Variants in TTN observed in about 807,000 individuals in gnomAD.
TTN encodes the protein connectin.
In TTN, 1,525 loss-of-function variants were observed where a neutral mutation model predicts 3,223.0. The ratio of observed to expected loss-of-function variants is 0.47; its 90% CI spans 0.45 to 0.49. TTN has a LOEUF of 0.49. Among genes scored for constraint, TTN ranks in the 20% least tolerant of loss-of-function variants. TTN has a pLI of 0.00. For synonymous variants in TTN, 14,094 were observed against 15,161.0 expected (o/e 0.93, Z 5.17); for missense variants, 40,786 against 43,424.0 (o/e 0.94, Z 5.40).
rs1271132251 is a variant in TTN, at chr2:178,534,216, A to G, written c.102399T>C (p.Ile34133=). The G allele has an allele frequency of 1.9e-6, 3 of 1,613,780 alleles. No individual in the cohort carries two copies. Among genetic ancestry groups the G allele is most frequent in the Admixed American group, 1.7e-5 (1 of 59,990 alleles). ...VSVAKVKVAS[I]EIGPVSGQIM... is the part of the protein sequence containing the mutation. ...TCTGCCCAGAAACTGGGCCAATTTC[A>G]ATGGATGCCACTTTAACTTTAGCAA... Residue 34133 remains isoleucine, a synonymous_variant, in exon 358 of 363, where the codon ATT becomes ATC. Transcript: ENST00000589042.
chr2:178,566,826 A>G lies in TTN; in HGVS notation c.79306T>C (p.Cys26436Arg). 6.2e-7 allele frequency: 1 copy of G among 1,613,436 alleles called. No individual in the cohort carries two copies. The highest frequency in any genetic ancestry group is 8.5e-7 in the Non-Finnish European group (1 of 1,179,672). ...AAATCTGTAATGCGGCGTTTATTAC[A>G]TTTTATCCATCGAATGCCACTTCTG... ...RDRSGIRWIK[C>R]NKRRITDLRL... The change falls in exon 326 of 363, where the codon TGT becomes CGT. Residue 26436 changes from cysteine to arginine, a missense_variant. By Grantham distance (180) the Cys-to-Arg change is radical. Coordinates refer to ENST00000589042, the MANE Select transcript of TTN (RefSeq NM_001267550.2).
chr2:178,531,005 C>G lies in TTN; in HGVS notation c.105610G>C (p.Glu35204Gln). Residue 35204 changes from glutamate (E) to glutamine (Q), a missense_variant, in exon 358 of 363, where the codon GAA (glutamate) becomes CAA (glutamine). Glu to Gln is a conservative substitution (Grantham distance 29). Transcript: ENST00000589042. ...GCTTCTTGTTTCCCTTCACTGTTTT[C>G]TACCACCACGCTGTAATTGCCCTCA... ...SDEGNYSVVVENSEGKQEAEF... is the reference protein window; with the variant it reads ...SDEGNYSVVVQNSEGKQEAEF... 1 of 1,613,960 alleles carries G rather than the reference C, an allele frequency of 6.2e-7. No homozygotes were observed. The highest frequency in any genetic ancestry group is 8.5e-7 in the Non-Finnish European group (1 of 1,179,892).
chr2:178,767,509 T>C (rs1463849360), intron 40 of TTN, among the ~76,000 whole-genome samples: 3 of 152,228 alleles, frequency 2.0e-5, no homozygotes, highest in East Asian at 3.8e-4. Context: ...AGCCATTTAT[T>C]AGACAGTGAA....
At chr2:178,703,126 C>T (rs927328003) in intron 106 of TTN, among the ~76,000 whole-genome samples, 4 of 152,056 alleles carry the variant, frequency 2.6e-5, no homozygotes, top group Non-Finnish European at 5.9e-5. Flanking sequence ...CAAACGCAAT[C>T]GGAAATCTGC....
At position 178,652,528 on chromosome 2, in the gene TTN, C is replaced by T. The variant is rs371945519; in HGVS notation, c.39057G>A (p.Pro13019=). ...EVPPVKVPEA[P]KEVVPEKKVP... is the part of the protein sequence containing the mutation. The stretch of plus-strand genomic sequence containing the variant: ...CTTTCTTTTCAGGAACAACTTCTTT[C>T]GGAGCCTCTGGCACTTAAAAGATAT... The change falls in exon 202 of 363, where the codon CCG becomes CCA. Residue 13019 remains proline (P), a synonymous_variant. Coordinates refer to ENST00000589042, the MANE Select transcript of TTN (RefSeq NM_001267550.2). The T allele has an allele frequency of 5.1e-5, 82 of 1,607,714 alleles. No homozygotes were observed. In the African/African-American group the frequency reaches 9.0e-4, roughly 18 times the overall value.
chr2:178,542,514 A>G lies in TTN; in HGVS notation c.97242T>C (p.Ala32414=), dbSNP rs776580922. The change falls in exon 349 of 363, where the codon GCT becomes GCC. Residue 32414 remains alanine (A), a synonymous_variant. Transcript: ENST00000589042. The part of the protein sequence containing the change: ...TGPIKIDEID[A]TSITISWEPP... Reference sequence around the variant, plus strand: ...GTTCCCAGGAAATGGTAATTGATGTAGCATCAATTTCATCAATCTTAATAG... The same window carrying G: ...GTTCCCAGGAAATGGTAATTGATGTGGCATCAATTTCATCAATCTTAATAG... 11 of 1,611,460 alleles carry G rather than the reference A, an allele frequency of 6.8e-6. No homozygotes were observed. The highest frequency in any genetic ancestry group is 4.0e-5 in the African/African-American group (3 of 74,880).
At position 178,704,807 on chromosome 2, in the gene TTN, G is replaced by C. The variant is rs766531550; in HGVS notation, c.29695-30C>G. The C allele has an allele frequency of 1.9e-6, 3 of 1,606,586 alleles. No homozygotes were observed. The South Asian group carries it at 3.3e-5, about 18-fold the overall frequency. On this transcript the variant is annotated intron_variant, in intron 104 of 362. Coordinates refer to ENST00000589042, the MANE Select transcript of TTN (RefSeq NM_001267550.2). Reference sequence around the variant, plus strand: ...GAGAATAAAGAATTAAAACACATTTGTTACTCCTTCCCTTATAATAATACT... The same window carrying C: ...GAGAATAAAGAATTAAAACACATTTCTTACTCCTTCCCTTATAATAATACT...
rs374883884 is a variant in TTN, at chr2:178,576,606, C to T, written c.69638G>A (p.Arg23213His). Residue 23213 changes from arginine (R) to histidine (H), a missense_variant, in exon 325 of 363, where the codon CGT becomes CAT. By Grantham distance (29) the Arg-to-His change is conservative. Transcript: ENST00000589042. This position sits in a 1 kb window ranked among gnomAD's most constrained non-coding sequence, Gnocchi z 4.3. ...TCCTGCTCTGTTTTCTGCACTGACA[C>T]GGAATTCGTAGGTGCTTCCTTCTTG... The part of the protein sequence containing the change: ...GLQEGSTYEF[R>H]VSAENRAGIG... The T allele has an allele frequency of 2.6e-5, 42 of 1,613,584 alleles. No individual in the cohort carries two copies. Among genetic ancestry groups the T allele is most frequent in the East Asian group, 2.5e-4 (11 of 44,818 alleles).
intron 159 of TTN, among the ~76,000 whole-genome samples, chr2:178,668,126 T>C (rs1042966632): frequency 6.6e-6 from 1 of 152,198 alleles, no homozygotes; most frequent in Non-Finnish European, 1.5e-5. Context: ...TTTCCCTTTC[T>C]AGAAGCCTCA....
Position 178,539,140 on chromosome 2 carries a change from T to G in TTN, c.98795A>C (p.Tyr32932Ser). Residue 32932 changes from tyrosine (Y) to serine (S), a missense_variant, in exon 353 of 363, where the codon TAC becomes TCC. Physicochemically the swap from Tyr to Ser is moderately radical, Grantham distance 144 (BLOSUM62 -2). Transcript: ENST00000589042. Reference protein sequence around the residue: ...KDDGGSRVTGYYIERKETSTD... With the variant: ...KDDGGSRVTGSYIERKETSTD... The stretch of plus-strand genomic sequence containing the variant: ...GGATGTCTCTTTGCGTTCGATGTAG[T>G]AGCCTGTGACTCTAGAACCACCATC... The G allele has an allele frequency of 6.2e-7, 1 of 1,613,774 alleles. No individual in the cohort carries two copies. Among genetic ancestry groups the G allele is most frequent in the Non-Finnish European group, 8.5e-7 (1 of 1,179,740 alleles).
intron 9 of TTN, 81 bp downstream of exon 9, chr2:178,793,323 A>G: frequency 6.4e-7 from 1 of 1,556,914 alleles, no homozygotes. Flanking sequence ...CCAAGGAACA[A>G]CACTCTTCAT....
rs1708755764 is a variant in TTN, at chr2:178,572,881, T to G, written c.73251A>C (p.Pro24417=). Residue 24417 remains proline (P), a synonymous_variant, in exon 326 of 363, where the codon CCA becomes CCC. Coordinates refer to ENST00000589042, the MANE Select transcript of TTN (RefSeq NM_001267550.2). ...GAGGCAGCATTCTGTCTTCAGCCTT[T>G]GGAGTTCCAGGAACAAGGGCAGGTT... is the stretch of plus-strand genomic sequence containing the variant. The part of the protein sequence containing the change: ...LGEPALVPGT[P]KAEDRMLPPE... 6.2e-7 allele frequency: 1 copy of G among 1,613,410 alleles called. No individual in the cohort carries two copies. The highest frequency in any genetic ancestry group is 1.3e-5 in the African/African-American group (1 of 75,014).
At position 178,560,295 on chromosome 2, in the gene TTN, T is replaced by A. The variant is rs1341127613; in HGVS notation, c.85837A>T (p.Thr28613Ser). 2 of 1,613,826 alleles carry A rather than the reference T, an allele frequency of 1.2e-6. No homozygotes were observed. The highest frequency in any genetic ancestry group is 8.5e-7 in the Non-Finnish European group (1 of 1,179,790). The change falls in exon 326 of 363, where the codon ACA (threonine) becomes TCA (serine). Residue 28613 changes from threonine (T) to serine (S), a missense_variant. Thr to Ser is a moderately conservative substitution (Grantham distance 58). Coordinates refer to ENST00000589042, the MANE Select transcript of TTN (RefSeq NM_001267550.2). ...TATTCACATCCTTCCCGAAGTCCTG[T>A]TGATTTCACTCTTAGATCATAAACT... ...KPVYDLRVKS[T>S]GLREGCEYEY...
At chr2:178,541,082 C>G in intron 350 of TTN, 200 bp downstream of exon 350, 1 of 421,132 alleles carries the variant, frequency 2.4e-6, no homozygotes, top group East Asian at 3.6e-5. Flanking sequence ...TCGCTAGCAG[C>G]TGGGGTGGGG....
At position 178,738,274 on chromosome 2, in the gene TTN, G is replaced by A. The variant is rs1212488962; in HGVS notation, c.14179C>T (p.Pro4727Ser). ...AKFTCEIQSAPNVRFQWFKAG... is the reference protein window; with the variant it reads ...AKFTCEIQSASNVRFQWFKAG... ...TTAAACCACTGGAACCGGACATTGG[G>A]AGCACTTTGGATCTCACAGGTGAAT... Residue 4727 changes from proline (P) to serine (S), a missense_variant, in exon 49 of 363, where the codon CCC becomes TCC. Physicochemically the swap from Pro to Ser is moderately conservative, Grantham distance 74. Coordinates refer to ENST00000589042, the MANE Select transcript of TTN (RefSeq NM_001267550.2). The A allele has an allele frequency of 2.4e-5, 38 of 1,613,580 alleles. No homozygotes were observed. The highest frequency in any genetic ancestry group is 2.9e-5 in the Non-Finnish European group (34 of 1,179,714).
intron 253 of TTN, 121 bp downstream of exon 253, chr2:178,617,658 A>G: frequency 2.1e-6 from 3 of 1,440,054 alleles, no homozygotes; most frequent in Non-Finnish European, 2.8e-6. Context: ...CTAAAACTTT[A>G]TCCAAATTTT....
intron 297 of TTN, 47 bp from the exon 298 acceptor site, chr2:178,593,914 C>T: frequency 6.2e-7 from 1 of 1,607,336 alleles, no homozygotes; most frequent in South Asian, 1.1e-5. Flanking sequence ...GCCATTTCTG[C>T]TTTTGAAAGA....
chr2:178,745,566 G>A lies in TTN; in HGVS notation c.11312-3645C>T, dbSNP rs756977160. On this transcript the variant is annotated intron_variant, in intron 47 of 362. Transcript: ENST00000589042. ...TCAGATCAATGCTAATAATTACTGAGGCACTAAAACATTACATTTTAAGTT... is the reference window on the plus strand; with the variant it reads ...TCAGATCAATGCTAATAATTACTGAAGCACTAAAACATTACATTTTAAGTT... The A allele has an allele frequency of 6.2e-6, 10 of 1,611,338 alleles. No individual in the cohort carries two copies. In the Admixed American group the frequency reaches 1.2e-4, roughly 19 times the overall value.
chr2:178,554,248 A>C, intron 332 of TTN, 32 bp from the exon 333 acceptor site: 1 of 1,537,024 alleles, frequency 6.5e-7, no homozygotes, highest in African/African-American at 1.4e-5. Flanking sequence ...ACAAGGTACA[A>C]GAATCCACAT....
Sources: allele counts gnomAD v4.1 joint callset (sites outside exome capture counted in the v4.1 genomes callset), GRCh38; gene constraint gnomAD v4.1.1; non-coding constraint Gnocchi (gnomAD v3.1); transcripts MANE v1.5; gene names NCBI Gene and HGNC (gene_info 2026-07-23, HGNC 2026-07-21).